CSMD1: variants seen among roughly 807,000 people sequenced by gnomAD.
The protein encoded by CSMD1 is CUB and Sushi multiple domains 1.
Under a neutral mutation model 417.5 loss-of-function variants are expected in CSMD1, and 213 were observed. The observed-to-expected ratio is 0.51, with a 90% CI of 0.46 to 0.57. The LOEUF (loss-of-function observed/expected upper bound fraction) is 0.57, where lower values mean the gene tolerates loss of function less well. Ranked by LOEUF, CSMD1 falls within the 20% of genes least tolerant of loss-of-function variation. CSMD1 has a pLI of 0.00. For missense variants in CSMD1, 6,923 were observed against 4,529.7 expected, an observed-to-expected ratio of 1.53 and a Z score of -15.17; for synonymous variants, 2,862 against 1,736.8, an observed-to-expected ratio of 1.65 and a Z score of -16.11.
intron 3 of CSMD1, among the ~76,000 whole-genome samples, chr8:4,112,571 G>A (rs1006461204): frequency 6.6e-6 from 1 of 152,090 alleles, no homozygotes; most frequent in Admixed American, 6.6e-5. Context: ...TCCCTCTTCT[G>A]GGGAGGCTGA....
At chr8:3,305,068 T>C (rs981701662) in intron 25 of CSMD1, among the ~76,000 whole-genome samples, 6 of 152,178 alleles carry the variant, frequency 3.9e-5, no homozygotes, top group Non-Finnish European at 7.3e-5. Flanking sequence ...TACTTAAGAC[T>C]GCAGTGGTGT....
chr8:4,754,499 G>A (rs1027597050), intron 1 of CSMD1, among the ~76,000 whole-genome samples: 1 of 151,272 alleles, frequency 6.6e-6, no homozygotes, highest in South Asian at 2.1e-4. Context: ...TCCAAGTTTA[G>A]CATAAATGCA....
chr8:3,919,540 G>A (rs576748766), intron 5 of CSMD1, among the ~76,000 whole-genome samples: 2 of 151,962 alleles, frequency 1.3e-5, no homozygotes, highest in African/African-American at 2.4e-5. Context: ...ACTGAAGATT[G>A]GTAATATAAT....
chr8:3,997,848 A>C (rs201236301), intron 5 of CSMD1, 55 bp downstream of exon 5: 7 of 341,746 alleles, frequency 2.0e-5, no homozygotes, highest in Non-Finnish European at 3.0e-5. Context: ...TCGTTGGGGG[A>C]AAAAACGGGG....
chr8:3,486,273 A>AT (rs33919495), intron 11 of CSMD1, among the ~76,000 whole-genome samples: 66,418 of 151,878 alleles, frequency 0.44, 15,244 homozygotes, highest in African/African-American at 0.57. Flanking sequence ...TTTTAAAACT[A>AT]TTTTTTATCT....
At chr8:4,925,129 G>A (rs1002174167) in intron 1 of CSMD1, among the ~76,000 whole-genome samples, 2 of 146,968 alleles carry the variant, frequency 1.4e-5, no homozygotes, top group African/African-American at 5.0e-5. Context: ...CTTTCTGAAT[G>A]TTTAGTCCCT....
At chr8:3,627,666 C>T (rs1023523977) in intron 7 of CSMD1, among the ~76,000 whole-genome samples, 2 of 152,088 alleles carry the variant, frequency 1.3e-5, no homozygotes, top group African/African-American at 4.8e-5. Context: ...AGGGTGATCA[C>T]ATATGCAATG....
At chr8:3,274,830 G>A (rs183842835) in intron 26 of CSMD1, among the ~76,000 whole-genome samples, 14 of 152,182 alleles carry the variant, frequency 9.2e-5, no homozygotes, top group East Asian at 5.8e-4. Flanking sequence ...GTCTGTACCC[G>A]TGAGATGTGT....
intron 15 of CSMD1, 134 bp downstream of exon 15, chr8:3,405,893 T>G: frequency 6.6e-6 from 5 of 753,288 alleles, no homozygotes; most frequent in Non-Finnish European, 1.1e-5. Context: ...TACACTCCTG[T>G]TGGTTAAGTG....
intron 12 of CSMD1, among the ~76,000 whole-genome samples, chr8:3,437,001 A>G (rs1563387800): frequency 6.6e-6 from 1 of 152,222 alleles, no homozygotes; most frequent in Non-Finnish European, 1.5e-5. Context: ...TAAACAAGAC[A>G]GCTTGAAAAC....
chr8:3,409,394 G>C (rs777979526), intron 13 of CSMD1, 29 bp downstream of exon 13: 7 of 1,578,190 alleles, frequency 4.4e-6, no homozygotes, highest in Middle Eastern at 1.7e-4. Context: ...CAGGACAGGA[G>C]GGAGTCCAGG....
chr8:4,238,531 G>C (rs992364685), intron 3 of CSMD1, among the ~76,000 whole-genome samples: 5 of 152,158 alleles, frequency 3.3e-5, no homozygotes, highest in African/African-American at 7.2e-5. Flanking sequence ...GGTCAGACAG[G>C]CTTGAGGTTG....
chr8:3,741,036 C>G (rs2720839), intron 6 of CSMD1, among the ~76,000 whole-genome samples: 144,736 of 151,764 alleles, frequency 0.95, 69,423 homozygotes, highest in East Asian at 1. Flanking sequence ...CCAACATGGT[C>G]AAACTCCGTC....
At chr8:4,951,264 G>A (rs747149390) in intron 1 of CSMD1, among the ~76,000 whole-genome samples, 2 of 152,088 alleles carry the variant, frequency 1.3e-5, no homozygotes, top group Admixed American at 1.3e-4. Flanking sequence ...TGCTGATAAC[G>A]ACTTTTAGTC....
intron 10 of CSMD1, among the ~76,000 whole-genome samples, chr8:3,528,455 C>T (rs1797843661): frequency 6.6e-6 from 1 of 152,188 alleles, no homozygotes; most frequent in Non-Finnish European, 1.5e-5. Context: ...GCTTCTATGC[C>T]TTGCTTCAGC....
intron 1 of CSMD1, among the ~76,000 whole-genome samples, chr8:4,827,859 C>T (rs916669780): frequency 1.6e-4 from 25 of 152,144 alleles, no homozygotes; most frequent in African/African-American, 5.3e-4. Context: ...TTTACTTGCC[C>T]TTTACCATTT....
At chr8:3,918,102 G>A (rs372533418) in intron 5 of CSMD1, among the ~76,000 whole-genome samples, 4 of 151,922 alleles carry the variant, frequency 2.6e-5, no homozygotes, top group South Asian at 2.1e-4. Flanking sequence ...TGATCAAAGT[G>A]CATTTATGTT....
At chr8:3,331,142 G>A (rs1050103444) in intron 23 of CSMD1, among the ~76,000 whole-genome samples, 3 of 151,918 alleles carry the variant, frequency 2.0e-5, no homozygotes, top group African/African-American at 4.8e-5. Context: ...GGAGGCTGAG[G>A]CAGGAGAATG....
chr8:4,816,335 TCAC>T (rs1799207583), intron 1 of CSMD1, among the ~76,000 whole-genome samples: 1 of 151,910 alleles, frequency 6.6e-6, no homozygotes, highest in Non-Finnish European at 1.5e-5. Context: ...CAGGCAAGCA[TCAC>T]CACACCTGGG....
Sources: gnomAD v4.1 joint callset for allele counts (sites outside exome capture counted in the v4.1 genomes callset) on GRCh38, gnomAD v4.1.1 for gene constraint, MANE v1.5 for transcripts, NCBI Gene and HGNC (gene_info 2026-07-23, HGNC 2026-07-21) for gene names.